Variants in SPSB4 observed in about 807,000 individuals in gnomAD.
The protein encoded by SPSB4 is SPRY domain-containing SOCS box protein 4.
SPSB4 carries 21 observed loss-of-function variants against 20.9 expected under a neutral mutation model. That is an observed-to-expected ratio of 1.01 (90% CI 0.71 to 1.45). SPSB4 has a LOEUF of 1.45. Among genes scored for constraint, SPSB4 ranks in the 40% most tolerant of loss-of-function variants. SPSB4 has a pLI of 0.00. For synonymous variants in SPSB4, 207 were observed against 183.8 expected, an observed-to-expected ratio of 1.13 and a Z score of -1.02; for missense variants, 399 against 399.2, an observed-to-expected ratio of 1.00 and a Z score of 0.00.
In SPSB4 at chr3:141,066,446, A is replaced by C; in HGVS notation, c.342A>C (p.Val114=). 6.6e-7 allele frequency: 1 copy of C among 1,504,950 alleles called. No individual in the cohort carries two copies. The allele number at this position is 1,504,950 out of a possible 1,614,324, so 93.2% of individuals were successfully genotyped here. The change falls in exon 2 of 3, where the codon GTA becomes GTC. Residue 114 remains valine (V), a synonymous_variant. Coordinates refer to ENST00000310546, the MANE Select transcript of SPSB4 (RefSeq NM_080862.3). Reference sequence around the variant, plus strand: ...CTCGGCAGCGCGGCACCCACGCTGTAGTTGGTGTGGCCACGGCCCGTGCTC... The same window carrying C: ...CTCGGCAGCGCGGCACCCACGCTGTCGTTGGTGTGGCCACGGCCCGTGCTC... ...WPARQRGTHA[V]VGVATARAPL...
chr3:141,148,010 TC>T lies in SPSB4; in HGVS notation c.*743del, dbSNP rs1939446336. On this transcript the variant is annotated 3_prime_UTR_variant, in exon 3 of 3. Coordinates refer to ENST00000310546, the MANE Select transcript of SPSB4 (RefSeq NM_080862.3). The surrounding 1 kb of genome is among the most constrained non-coding windows in gnomAD (Gnocchi z 4.5). ...CTGGTTTGCCCCAGGGAAGAGCATA[TC>T]CTTACCATTATTTTAAGTAGCATTT... 1 of 152,658 alleles carries T rather than the reference TC, an allele frequency of 6.6e-6. No homozygotes were observed. The highest frequency in any genetic ancestry group is 1.5e-5 in the Non-Finnish European group (1 of 68,118). 9.5% of individuals were successfully genotyped at this position (152,658 alleles called of 1,614,324 possible).
At chr3:141,128,629 G>C (rs1260644867) in intron 2 of SPSB4, among the ~76,000 whole-genome samples, 1 of 152,164 alleles carries the variant, frequency 6.6e-6, no homozygotes, top group African/African-American at 2.4e-5. Context: ...AGTTGAGGCA[G>C]CTGGGGGGAG....
At chr3:141,122,683 G>T (rs1233416055) in intron 2 of SPSB4, among the ~76,000 whole-genome samples, 3 of 152,192 alleles carry the variant, frequency 2.0e-5, no homozygotes, top group Non-Finnish European at 4.4e-5. Flanking sequence ...CTGCAGCATC[G>T]CAGGTCAATC....
At chr3:141,095,525 G>A (rs1283237166) in intron 2 of SPSB4, among the ~76,000 whole-genome samples, 1 of 151,980 alleles carries the variant, frequency 6.6e-6, no homozygotes, top group African/African-American at 2.4e-5. Flanking sequence ...ATGTCATCTG[G>A]CTCTGTTGTC....
intron 2 of SPSB4, among the ~76,000 whole-genome samples, chr3:141,075,813 G>A (rs1002806967): frequency 4.5e-4 from 68 of 150,732 alleles, no homozygotes; most frequent in Admixed American, 3.1e-3. Context: ...TTGGGAGGCC[G>A]AGGCAGGCGG....
intron 1 of SPSB4, among the ~76,000 whole-genome samples, chr3:141,057,618 G>A (rs1400971647): frequency 2.0e-5 from 3 of 152,166 alleles, no homozygotes; most frequent in African/African-American, 7.2e-5. Flanking sequence ...TGGGAGGGAG[G>A]CAGCCAAAGA....
At chr3:141,073,824 C>T (rs893265044) in intron 2 of SPSB4, among the ~76,000 whole-genome samples, 4 of 152,156 alleles carry the variant, frequency 2.6e-5, no homozygotes, top group African/African-American at 9.7e-5. Flanking sequence ...GTCCTGTGTA[C>T]AGCACATCTG....
At chr3:141,118,922 T>C (rs919295443) in intron 2 of SPSB4, among the ~76,000 whole-genome samples, 1 of 152,104 alleles carries the variant, frequency 6.6e-6, no homozygotes, top group African/African-American at 2.4e-5. Context: ...GTCAGGTAGC[T>C]TGATGCCTTC....
At chr3:141,053,154 A>G (rs1186258897) in intron 1 of SPSB4, among the ~76,000 whole-genome samples, 1 of 151,700 alleles carries the variant, frequency 6.6e-6, no homozygotes, top group Non-Finnish European at 1.5e-5. Context: ...TTGGGGGATG[A>G]AGATAGGAGT....
Position 141,066,388 on chromosome 3 carries a change from G to A in SPSB4, c.284G>A (p.Arg95His), listed in dbSNP as rs1457468003. 2.7e-5 allele frequency: 42 copies of A among 1,543,244 alleles called. No homozygotes were observed. Among genetic ancestry groups the A allele is most frequent in the Admixed American group, 1.6e-4 (8 of 50,328 alleles). ...DGIRGKVGHA[R>H]GLHAWQINWP... ...ATCCGCGGCAAGGTGGGCCACGCCC[G>A]CGGCCTGCACGCCTGGCAGATCAAC... The change falls in exon 2 of 3, where the codon CGC becomes CAC. Residue 95 changes from arginine to histidine, a missense_variant. Arg to His is a conservative substitution (Grantham distance 29). Coordinates refer to ENST00000310546, the MANE Select transcript of SPSB4 (RefSeq NM_080862.3).
intron 2 of SPSB4, among the ~76,000 whole-genome samples, chr3:141,141,672 T>C (rs533792368): frequency 6.6e-6 from 1 of 152,334 alleles, no homozygotes; most frequent in Admixed American, 6.5e-5. Context: ...ATCCATCTGG[T>C]CCTTGACTTT....
At chr3:141,101,798 G>A (rs142854132) in intron 2 of SPSB4, among the ~76,000 whole-genome samples, 12 of 152,266 alleles carry the variant, frequency 7.9e-5, no homozygotes, top group African/African-American at 2.9e-4. Context: ...CACCGATAAC[G>A]TGTTGCACAT....
At chr3:141,072,078 C>T (rs967856640) in intron 2 of SPSB4, among the ~76,000 whole-genome samples, 1 of 152,234 alleles carries the variant, frequency 6.6e-6, no homozygotes, top group Non-Finnish European at 1.5e-5. Context: ...GGCCTGGTCG[C>T]CCCTTTGCCC....
intron 2 of SPSB4, among the ~76,000 whole-genome samples, chr3:141,078,448 C>T (rs1938159834): frequency 6.6e-6 from 1 of 152,104 alleles, no homozygotes; most frequent in East Asian, 1.9e-4. Context: ...GAGGGAGCCA[C>T]AATGCTCCAG....
At chr3:141,103,352 G>A (rs1358150333) in intron 2 of SPSB4, among the ~76,000 whole-genome samples, 1 of 152,154 alleles carries the variant, frequency 6.6e-6, no homozygotes, top group African/African-American at 2.4e-5. Context: ...ACACAGAGGG[G>A]CCCCACGACA....
chr3:141,066,364 TCC>T lies in SPSB4; in HGVS notation c.261_262del (p.Ile87MetfsTer49). On this transcript the variant is annotated frameshift_variant, in exon 2 of 3. Transcript: ENST00000310546. LOFTEE classifies it high-confidence loss of function. The stretch of plus-strand genomic sequence containing the variant: ...CCCGTGGCCCAGAGCACCGACGGCA[TCC>T]GCGGCAAGGTGGGCCACGCCCGCGG... 6.4e-7 allele frequency: 1 copy of T among 1,556,950 alleles called. No individual in the cohort carries two copies. The highest frequency in any genetic ancestry group is 8.7e-7 in the Non-Finnish European group (1 of 1,152,790).
In SPSB4 at chr3:141,144,261, C is replaced by A. The variant is rs528860208; in HGVS notation, c.695-2881C>A. 2.6e-5 allele frequency among the ~76,000 whole-genome samples: 4 copies of A among 152,336 alleles called. No individual in the cohort carries two copies. In the East Asian group the frequency reaches 5.8e-4, roughly 22 times the overall value. ...AGTCATATTATGGTATTAATTTCTA[C>A]TTTCCTGATGATTCATGAAGTTGAG... On this transcript the variant is annotated intron_variant, in intron 2 of 2. Coordinates refer to ENST00000310546, the MANE Select transcript of SPSB4 (RefSeq NM_080862.3).
rs908937570 is a variant in SPSB4, at chr3:141,099,253, C to T, written c.694+32455C>T. Among the ~76,000 whole-genome samples, 100 of 150,506 alleles carry T rather than the reference C, an allele frequency of 6.6e-4. 1 individual carries two copies. The highest frequency in any genetic ancestry group is 2.4e-3 in the African/African-American group (97 of 40,866). On this transcript the variant is annotated intron_variant, in intron 2 of 2. Coordinates refer to ENST00000310546, the MANE Select transcript of SPSB4 (RefSeq NM_080862.3). ...AGGCTGGAGTGCAGTGGCGCGATCT[C>T]GACTCACTGCAAGCTCTGCCTCCTG... is the stretch of plus-strand genomic sequence containing the variant.
chr3:141,111,487 G>A (rs1023574339), intron 2 of SPSB4, among the ~76,000 whole-genome samples: 13 of 150,256 alleles, frequency 8.7e-5, no homozygotes, highest in African/African-American at 4.9e-5. Flanking sequence ...CATAGTGAGC[G>A]CTCCATGCTT....
Sources: allele counts gnomAD v4.1 joint callset (sites outside exome capture counted in the v4.1 genomes callset), GRCh38; gene constraint gnomAD v4.1.1; non-coding constraint Gnocchi (gnomAD v3.1); transcripts MANE v1.5; gene names NCBI Gene and HGNC (gene_info 2026-07-23, HGNC 2026-07-21).